The following AGBL4 variants were observed in gnomAD, a reference collection of about 807,000 sequenced individuals.
AGBL4 encodes the protein AGBL carboxypeptidase 4, also known as cytosolic carboxypeptidase 6.
AGBL4 carries 58 observed loss-of-function variants against 66.4 expected under a neutral mutation model. That is an observed-to-expected ratio of 0.87 (90% CI 0.71 to 1.09). The LOEUF is 1.09. Ranked by LOEUF, AGBL4 falls within the 50% of genes least tolerant of loss-of-function variation. The probability of loss-of-function intolerance (pLI) is 0.00; values close to 1 mark genes in which losing one functional copy is unlikely to be tolerated. For missense variants in AGBL4, 579 were observed against 631.0 expected (o/e 0.92, Z 0.88); for synonymous variants, 234 against 222.9 (o/e 1.05, Z -0.44).
At chr1:49,888,900 C>A (rs1196181435) in intron 1 of AGBL4, among the ~76,000 whole-genome samples, 2 of 152,080 alleles carry the variant, frequency 1.3e-5, no homozygotes, top group African/African-American at 4.8e-5. Context: ...TAAGCATGTA[C>A]TATATGTTCA....
intron 1 of AGBL4, among the ~76,000 whole-genome samples, chr1:49,982,749 G>A (rs1482798007): frequency 1.3e-5 from 2 of 152,184 alleles, no homozygotes; most frequent in African/African-American, 4.8e-5. Flanking sequence ...AGACTCAGAC[G>A]TCAGGACAAT....
Position 49,279,816 on chromosome 1 carries a change from C to G in AGBL4, c.283-33952G>C, listed in dbSNP as rs1644240469. ...ATTCCTGGGCTTAAGCCAAACTAAC[C>G]TTGGGGGACATTTAGTTTAGTAAAT... On this transcript the variant is annotated intron_variant, in intron 3 of 13. Coordinates refer to ENST00000371839, the MANE Select transcript of AGBL4 (RefSeq NM_032785.4). Among the ~76,000 whole-genome samples the G allele has an allele frequency of 2.0e-5, 3 of 152,122 alleles. No homozygotes were observed. In the South Asian group the frequency reaches 6.2e-4, roughly 32 times the overall value.
intron 6 of AGBL4, among the ~76,000 whole-genome samples, chr1:48,780,270 G>A (rs1645261445): frequency 2.1e-5 from 3 of 145,612 alleles, no homozygotes; most frequent in African/African-American, 7.6e-5. Context: ...CCACTTATGA[G>A]AGAGAATAGG....
At chr1:48,726,300 T>G (rs1199482374) in intron 6 of AGBL4, among the ~76,000 whole-genome samples, 2 of 152,204 alleles carry the variant, frequency 1.3e-5, no homozygotes, top group African/African-American at 4.8e-5. Flanking sequence ...GGTGTTAGTG[T>G]CTTTGTTACT....
At chr1:49,638,262 A>T (rs983807128) in intron 3 of AGBL4, among the ~76,000 whole-genome samples, 1 of 152,158 alleles carries the variant, frequency 6.6e-6, no homozygotes, top group African/African-American at 2.4e-5. Context: ...AAATAAATAA[A>T]CACTAAAATA....
chr1:49,117,241 AT>A (rs1217603334), intron 4 of AGBL4, among the ~76,000 whole-genome samples: 1 of 152,094 alleles, frequency 6.6e-6, no homozygotes, highest in Non-Finnish European at 1.5e-5. Context: ...CCATTTGTCT[AT>A]TTTAGCTTTT....
chr1:49,774,970 C>T lies in AGBL4; in HGVS notation c.157+76426G>A, dbSNP rs372744465. On this transcript the variant is annotated intron_variant, in intron 2 of 13. Transcript: ENST00000371839. ...TATAATAGTAATAAATTAGAAATAA[C>T]CTAAATGTCCTTGATTAGGAAACAA... Among the ~76,000 whole-genome samples the T allele has an allele frequency of 2.6e-5, 4 of 151,984 alleles. No homozygotes were observed. The East Asian group carries it at 7.7e-4, about 29-fold the overall frequency.
At chr1:48,950,612 T>TA (rs1656893610) in intron 5 of AGBL4, among the ~76,000 whole-genome samples, 1 of 152,220 alleles carries the variant, frequency 6.6e-6, no homozygotes, top group Admixed American at 6.5e-5. Context: ...TTTAGAATGC[T>TA]ATGCTGGAAA....
rs1252555635 is a variant in AGBL4 at position 49,045,818 on chromosome 1, A to T, written c.378-18T>A. 1 of 1,542,310 alleles carries T rather than the reference A, an allele frequency of 6.5e-7. No individual in the cohort carries two copies. The highest frequency in any genetic ancestry group is 2.4e-5 in the East Asian group (1 of 40,824). On this transcript the variant is annotated intron_variant, in intron 4 of 13. Transcript: ENST00000371839. ...GCCTTTGCCTAAAATATATAAACAA[A>T]GAAATTTGGGCATATGAGACATTCG...
intron 3 of AGBL4, among the ~76,000 whole-genome samples, chr1:49,647,165 A>G (rs1298570627): frequency 6.6e-6 from 1 of 152,080 alleles, no homozygotes; most frequent in African/African-American, 2.4e-5. Context: ...TAAAAACAAA[A>G]TTAATAAATG....
chr1:50,002,591 G>A (rs1660845247), intron 1 of AGBL4, among the ~76,000 whole-genome samples: 1 of 151,450 alleles, frequency 6.6e-6, no homozygotes, highest in African/African-American at 2.4e-5. Context: ...GGATGGTCTC[G>A]ATCTCCTGAC....
intron 3 of AGBL4, among the ~76,000 whole-genome samples, chr1:49,400,466 T>G (rs770110386): frequency 6.6e-6 from 1 of 152,060 alleles, no homozygotes; most frequent in Non-Finnish European, 1.5e-5. Flanking sequence ...GTAGATTGCT[T>G]TGGAGAGTAT....
rs370427608 is a variant in AGBL4, at chr1:49,563,627, G to A, written c.282+133686C>T. Among the ~76,000 whole-genome samples, 4 of 152,106 alleles carry A rather than the reference G, an allele frequency of 2.6e-5. No homozygotes were observed. The South Asian group carries it at 6.2e-4, about 24-fold the overall frequency. ...GGATTACATTTATTGATTTTCATAT[G>A]TTGAACCAGCCTTGCATCCCAGGGA... is the stretch of plus-strand genomic sequence containing the variant. On this transcript the variant is annotated intron_variant, in intron 3 of 13. Transcript: ENST00000371839.
chr1:49,950,024 G>A (rs200264626), intron 1 of AGBL4, among the ~76,000 whole-genome samples: 1 of 86,042 alleles, frequency 1.2e-5, no homozygotes, highest in Admixed American at 1.2e-4. Context: ...ACACATATGT[G>A]TGTGTGTGTA....
Position 49,030,573 on chromosome 1 carries a change from A to G in AGBL4, c.594+15011T>C, listed in dbSNP as rs374207835. On this transcript the variant is annotated intron_variant, in intron 5 of 13. Transcript: ENST00000371839. ...GATCAGTGGTGGCATTAGATTCTCA[A>G]AGGAGTGCGAACCCTATTGTGAACT... 4.5e-4 allele frequency among the ~76,000 whole-genome samples: 68 copies of G among 152,144 alleles called. 1 individual carries two copies. The South Asian group carries it at 9.6e-3, about 21-fold the overall frequency.
intron 5 of AGBL4, among the ~76,000 whole-genome samples, chr1:49,016,175 C>T (rs746343641): frequency 6.6e-6 from 1 of 152,168 alleles, no homozygotes; most frequent in South Asian, 2.1e-4. Context: ...AGACTTGCCA[C>T]CTCCTCTGCT....
Position 48,728,033 on chromosome 1 carries a change from A to G in AGBL4, c.635-64792T>C, listed in dbSNP as rs1217276953. On this transcript the variant is annotated intron_variant, in intron 6 of 13. Transcript: ENST00000371839. ...CCACAGTTTCTTGTGCTATTCTGTC[A>G]TACAAACACTCTAGACGGGGAGAAG... 4 of 1,606,382 alleles carry G rather than the reference A, an allele frequency of 2.5e-6. No homozygotes were observed. In the East Asian group the frequency reaches 6.7e-5, roughly 27 times the overall value.
At chr1:48,716,418 A>G (rs982810187) in intron 6 of AGBL4, among the ~76,000 whole-genome samples, 1 of 152,198 alleles carries the variant, frequency 6.6e-6, no homozygotes, top group Admixed American at 6.5e-5. Flanking sequence ...GGCCAAAGAA[A>G]GATCAAGTAA....
chr1:48,811,805 G>T (rs1026990836), intron 6 of AGBL4, among the ~76,000 whole-genome samples: 13 of 152,116 alleles, frequency 8.5e-5, no homozygotes, highest in Non-Finnish European at 1.3e-4. Flanking sequence ...GGTATGTACG[G>T]AGTGGGTGGG....
Sources: gnomAD v4.1 joint callset for allele counts (sites outside exome capture counted in the v4.1 genomes callset) on GRCh38, gnomAD v4.1.1 for gene constraint, MANE v1.5 for transcripts, NCBI Gene and HGNC (gene_info 2026-07-23, HGNC 2026-07-21) for gene names.